Variants in IFI35 observed in about 807,000 individuals in gnomAD.
The protein encoded by IFI35 is interferon-induced 35 kDa protein.
Under a neutral mutation model 28.6 loss-of-function variants are expected in IFI35, and 30 were observed. That is an observed-to-expected ratio of 1.05 (90% CI 0.79 to 1.43). IFI35 has a LOEUF of 1.43. Ranked by LOEUF, IFI35 falls within the 40% of genes most tolerant of loss-of-function variation. The pLI is 0.00. For missense variants in IFI35, 372 were observed against 356.9 expected, an observed-to-expected ratio of 1.04 and a Z score of -0.34; for synonymous variants, 146 against 154.8, an observed-to-expected ratio of 0.94 and a Z score of 0.42.
In IFI35 at chr17:43,013,214, C is replaced by CCCCA; in HGVS notation, c.268+20_268+21insCCCA. On this transcript the variant is annotated intron_variant, in intron 3 of 6. Coordinates refer to ENST00000415816, the MANE Select transcript of IFI35 (RefSeq NM_001330230.2). ...CCAAAGGTAAGCTCATGGGGAGCCT[C>CCCCA]AGGAGGGAGGTGGGGAGGGTTCCCA... 6.2e-7 allele frequency: 1 copy of CCCCA among 1,614,126 alleles called. No homozygotes were observed. The highest frequency in any genetic ancestry group is 8.5e-7 in the Non-Finnish European group (1 of 1,179,986).
chr17:43,012,566 C>T (rs369947706), intron 2 of IFI35: 3 of 248,424 alleles, frequency 1.2e-5, no homozygotes, highest in East Asian at 1.0e-4. Context: ...GGTGAAACCC[C>T]GTCTCTACTA....
chr17:43,007,923 A>T (rs1349144610), intron 1 of IFI35, among the ~76,000 whole-genome samples: 1 of 149,200 alleles, frequency 6.7e-6, no homozygotes, highest in African/African-American at 2.5e-5. Flanking sequence ...ATAGATTAAC[A>T]CGGTAAAAAC....
At chr17:43,008,652 T>C (rs1357025107) in intron 1 of IFI35, among the ~76,000 whole-genome samples, 1 of 150,842 alleles carries the variant, frequency 6.6e-6, no homozygotes, top group African/African-American at 2.4e-5. Flanking sequence ...GCCTCCCAAG[T>C]AGCTGGGACT....
chr17:43,012,466 C>CTCTACTAAAAATACAAAAATTA (rs1295499807), intron 2 of IFI35, 189 bp downstream of exon 2: 3 of 417,768 alleles, frequency 7.2e-6, no homozygotes, highest in Non-Finnish European at 8.7e-6. Flanking sequence ...TTAGGCCGGG[C>CTCTACTAAAAATACAAAAATTA]GCAGTGGCTC....
intron 2 of IFI35, 21 bp from the exon 3 acceptor site, chr17:43,013,026 A>C (rs751523704): frequency 8.7e-6 from 14 of 1,610,694 alleles, no homozygotes; most frequent in Non-Finnish European, 1.1e-5. Context: ...GAACACTCCT[A>C]CTCCCCTCCC....
chr17:43,010,585 T>C (rs566987076), intron 1 of IFI35, among the ~76,000 whole-genome samples: 1 of 152,202 alleles, frequency 6.6e-6, no homozygotes, highest in African/African-American at 2.4e-5. Context: ...GTGTTAGCAC[T>C]CTCTGAGTTA....
chr17:43,008,473 C>CA (rs2050429501), intron 1 of IFI35, among the ~76,000 whole-genome samples: 1 of 150,098 alleles, frequency 6.7e-6, no homozygotes. Context: ...CTCAGCATCC[C>CA]AAGTAGCTGG....
rs1460713614 is a variant in IFI35, at chr17:43,013,146, T to C, written c.220T>C (p.Cys74Arg). 10 of 1,613,904 alleles carry C rather than the reference T, an allele frequency of 6.2e-6. 1 individual carries two copies. Among genetic ancestry groups the C allele is most frequent in the Non-Finnish European group, 8.5e-6 (10 of 1,180,008 alleles). The change falls in exon 3 of 7, where the codon TGC (cysteine) becomes CGC (arginine). Residue 74 changes from cysteine (C) to arginine (R), a missense_variant. By Grantham distance (180) the Cys-to-Arg change is radical. Coordinates refer to ENST00000415816, the MANE Select transcript of IFI35 (RefSeq NM_001330230.2). ...TTTAGTTTCCAATTTGCGGATCCAC[T>C]GCCCTCTGCTTGCGGGCTCTGCTCT... is the stretch of plus-strand genomic sequence containing the variant. ...KSLVSNLRIH[C>R]PLLAGSALIT...
At chr17:43,010,191 C>T (rs556061563) in intron 1 of IFI35, among the ~76,000 whole-genome samples, 4 of 151,672 alleles carry the variant, frequency 2.6e-5, no homozygotes, top group East Asian at 1.9e-4. Flanking sequence ...GCAGAGATCG[C>T]GCCACTGCAC....
In IFI35 at chr17:43,010,331, T is replaced by C. The variant is rs185225729; in HGVS notation, c.22-1848T>C. The stretch of plus-strand genomic sequence containing the variant: ...TTGATTGATTCCAGGAGGTCGAGGC[T>C]GCAGTGAGCCATAATGGAGCAATTG... On this transcript the variant is annotated intron_variant, in intron 1 of 6. Coordinates refer to ENST00000415816, the MANE Select transcript of IFI35 (RefSeq NM_001330230.2). 1.7e-3 allele frequency among the ~76,000 whole-genome samples: 263 copies of C among 152,094 alleles called. 1 individual carries two copies. The highest frequency in any genetic ancestry group is 3.3e-3 in the Non-Finnish European group (222 of 68,004).
chr17:43,013,950 A>G lies in IFI35; in HGVS notation c.669+68A>G, dbSNP rs370897840. 5.0e-5 allele frequency: 68 copies of G among 1,364,978 alleles called. 1 individual carries two copies. Among genetic ancestry groups the G allele is most frequent in the African/African-American group, 1.4e-4 (10 of 69,132 alleles). The allele number at this position is 1,364,978 out of a possible 1,614,324, so 84.6% of individuals were successfully genotyped here. The stretch of plus-strand genomic sequence containing the variant: ...TGTCTGCCTGCCAGGAACTTGCCCA[A>G]TGAAGGATCAGAGGCCCCAAACCCC... On this transcript the variant is annotated intron_variant, in intron 6 of 6. Coordinates refer to ENST00000415816, the MANE Select transcript of IFI35 (RefSeq NM_001330230.2).
intron 1 of IFI35, among the ~76,000 whole-genome samples, chr17:43,010,534 A>G (rs1242386041): frequency 1.3e-5 from 2 of 152,212 alleles, no homozygotes; most frequent in Admixed American, 6.5e-5. Context: ...ACATGGCTCT[A>G]TTAACTCATT....
In IFI35 at chr17:43,007,811, G is replaced by A. The variant is rs1225592613; in HGVS notation, c.21+843G>A. Among the ~76,000 whole-genome samples, 12 of 136,446 alleles carry A rather than the reference G, an allele frequency of 8.8e-5. 1 individual carries two copies. Among genetic ancestry groups the A allele is most frequent in the African/African-American group, 3.5e-4 (12 of 34,664 alleles). 89.5% of individuals were successfully genotyped at this position (136,446 alleles called of 152,430 possible). A position where few individuals can be genotyped will look rare whatever the true frequency, so the allele number is the denominator to read the frequency against. On this transcript the variant is annotated intron_variant, in intron 1 of 6. Coordinates refer to ENST00000415816, the MANE Select transcript of IFI35 (RefSeq NM_001330230.2). Reference sequence around the variant, plus strand: ...ACTATGCTCCACTCTGGGCAACAGAGGGAGACTGTCTCTCACACACACACA... The same window carrying A: ...ACTATGCTCCACTCTGGGCAACAGAAGGAGACTGTCTCTCACACACACACA...
intron 5 of IFI35, 21 bp from the exon 6 acceptor site, chr17:43,013,755 A>AC: frequency 6.2e-7 from 1 of 1,611,810 alleles, no homozygotes; most frequent in South Asian, 1.1e-5. Context: ...CTAAAGGCCC[A>AC]CCCCTCCTTG....
At position 43,013,028 on chromosome 17, in the gene IFI35, T is replaced by C; in HGVS notation, c.121-19T>C. On this transcript the variant is annotated intron_variant, in intron 2 of 6. Transcript: ENST00000415816. Reference sequence around the variant, plus strand: ...AGGTGGGAGTGAGGAACACTCCTACTCCCCTCCCCTACTTCCAGGTCCCAT... The same window carrying C: ...AGGTGGGAGTGAGGAACACTCCTACCCCCCTCCCCTACTTCCAGGTCCCAT... 1.2e-6 allele frequency: 2 copies of C among 1,612,264 alleles called. No individual in the cohort carries two copies. The highest frequency in any genetic ancestry group is 1.7e-6 in the Non-Finnish European group (2 of 1,178,980).
chr17:43,012,464 G>C (rs535130370), intron 2 of IFI35, 187 bp downstream of exon 2: 12 of 429,062 alleles, frequency 2.8e-5, no homozygotes, highest in South Asian at 2.3e-4. Flanking sequence ...AATTAGGCCG[G>C]GCGCAGTGGC....
chr17:43,007,847 T>TTATATATATATATATATATATA lies in IFI35; in HGVS notation c.21+884_21+905dup, dbSNP rs68028192. On this transcript the variant is annotated intron_variant, in intron 1 of 6. Coordinates refer to ENST00000415816, the MANE Select transcript of IFI35 (RefSeq NM_001330230.2). ...TCTCACACACACACACACACAAAAT[T>TTATATATATATATATATATATA]TATATATATATATATATATATATAT... 4.9e-3 allele frequency among the ~76,000 whole-genome samples: 584 copies of TTATATATATATATATATATATA among 118,882 alleles called. 18 individuals carry two copies. The highest frequency in any genetic ancestry group is 0.019 in the African/African-American group (499 of 25,850). The allele number at this position is 118,882 out of a possible 152,430, so 78.0% of individuals were successfully genotyped here. A position where few individuals can be genotyped will look rare whatever the true frequency, so the allele number is the denominator to read the frequency against.
chr17:43,012,620 C>T (rs1228483727), intron 2 of IFI35: 1 of 235,224 alleles, frequency 4.3e-6, no homozygotes, highest in Admixed American at 5.2e-5. Context: ...TGCCTGTAAT[C>T]CCAGCTACTT....
At chr17:43,007,638 C>T (rs923779898) in intron 1 of IFI35, among the ~76,000 whole-genome samples, 1 of 151,188 alleles carries the variant, frequency 6.6e-6, no homozygotes, top group Non-Finnish European at 1.5e-5. Flanking sequence ...CCAGCCTGGC[C>T]AACATAGCAA....
Sources: allele counts gnomAD v4.1 joint callset (sites outside exome capture counted in the v4.1 genomes callset), GRCh38; gene constraint gnomAD v4.1.1; transcripts MANE v1.5; gene names NCBI Gene and HGNC (gene_info 2026-07-23, HGNC 2026-07-21).